Variants in EYS observed in about 807,000 individuals in gnomAD.
EYS encodes the protein protein eyes shut homolog.
A neutral mutation model predicts 282.1 loss-of-function variants in EYS; 250 were observed. The observed-to-expected ratio is 0.89, with a 90% CI of 0.80 to 0.98. The LOEUF is 0.98. Ranked by LOEUF, EYS falls within the 50% of genes least tolerant of loss-of-function variation. EYS has a pLI of 0.00. For missense variants in EYS, 4,016 were observed against 3,709.0 expected, an observed-to-expected ratio of 1.08 and a Z score of -2.15; for synonymous variants, 1,355 against 1,282.9, an observed-to-expected ratio of 1.06 and a Z score of -1.20.
intron 22 of EYS, among the ~76,000 whole-genome samples, chr6:64,694,244 C>A (rs1472082672): frequency 6.6e-6 from 1 of 152,016 alleles, no homozygotes; most frequent in Non-Finnish European, 1.5e-5. Flanking sequence ...ATTCACATTA[C>A]GAACTTTTAT....
At chr6:64,674,037 AACTT>A (rs944957462) in intron 22 of EYS, among the ~76,000 whole-genome samples, 2 of 152,082 alleles carry the variant, frequency 1.3e-5, no homozygotes, top group Non-Finnish European at 2.9e-5. Flanking sequence ...AAAACCAAAA[AACTT>A]AATAAAAAAT....
intron 5 of EYS, among the ~76,000 whole-genome samples, chr6:65,408,671 A>C (rs1432271555): frequency 6.6e-6 from 1 of 152,042 alleles, no homozygotes; most frequent in African/African-American, 2.4e-5. Flanking sequence ...CTCAAAAATC[A>C]ATTTTTTTGT....
chr6:64,305,349 AGTG>A (rs2150374981), intron 30 of EYS, among the ~76,000 whole-genome samples: 1 of 77,960 alleles, frequency 1.3e-5, no homozygotes, highest in South Asian at 4.3e-4. Context: ...ACAAAATCCC[AGTG>A]ATTTTTTTTT....
At chr6:64,020,316 T>C (rs1769127381) in intron 33 of EYS, among the ~76,000 whole-genome samples, 1 of 152,206 alleles carries the variant, frequency 6.6e-6, no homozygotes, top group Admixed American at 6.5e-5. Flanking sequence ...TACAAAATTT[T>C]ACATGTACCT....
chr6:64,187,540 AT>A (rs1395845727), intron 31 of EYS, among the ~76,000 whole-genome samples: 7 of 152,076 alleles, frequency 4.6e-5, no homozygotes, highest in African/African-American at 1.4e-4. Context: ...AATAAAAAAA[AT>A]TTATAACAGT....
intron 14 of EYS, among the ~76,000 whole-genome samples, chr6:64,967,481 C>T (rs186527438): frequency 3.9e-5 from 6 of 152,034 alleles, no homozygotes; most frequent in Admixed American, 1.3e-4. Context: ...CCACACCTGG[C>T]TAATTTTTTT....
chr6:64,643,549 T>A (rs149259822), intron 22 of EYS, among the ~76,000 whole-genome samples: 417 of 152,012 alleles, frequency 2.7e-3, no homozygotes, highest in African/African-American at 9.9e-3. Flanking sequence ...GTGTGTGGTG[T>A]TAACAATGAT....
chr6:64,506,162 T>C (rs142766269), intron 26 of EYS, among the ~76,000 whole-genome samples: 24 of 152,298 alleles, frequency 1.6e-4, no homozygotes, highest in African/African-American at 5.1e-4. Flanking sequence ...CTGTATAAAA[T>C]TGTATTTTAA....
chr6:64,839,261 T>C (rs1220792983), intron 19 of EYS, among the ~76,000 whole-genome samples: 2 of 152,006 alleles, frequency 1.3e-5, no homozygotes. Context: ...ATAAATTTCA[T>C]TAGTCATTAG....
chr6:65,524,403 T>TA (rs374453809), intron 2 of EYS, among the ~76,000 whole-genome samples: 15 of 152,112 alleles, frequency 9.9e-5, no homozygotes, highest in African/African-American at 3.6e-4. Flanking sequence ...AAGTAAGCAT[T>TA]TTGCTACTGG....
At chr6:64,391,541 G>A (rs1292855850) in intron 28 of EYS, among the ~76,000 whole-genome samples, 1 of 151,866 alleles carries the variant, frequency 6.6e-6, no homozygotes, top group Non-Finnish European at 1.5e-5. Flanking sequence ...CATAAGCGAA[G>A]GAGAAATAAA....
intron 29 of EYS, among the ~76,000 whole-genome samples, chr6:64,336,774 C>T (rs531395461): frequency 1.8e-4 from 27 of 152,092 alleles, no homozygotes; most frequent in African/African-American, 6.5e-4. Flanking sequence ...ATATGAAGCA[C>T]TCTCTCAGAT....
Position 65,057,714 on chromosome 6 carries a change from T to C in EYS, c.2037A>G (p.Glu679=). ...CVPGFKGTQC[E]IDIDECASHP... ...GTGAAGCACACTCATCTATATCAAT[T>C]TCACATTGCGTACCTTTGGAAAATA... The change falls in exon 13 of 43, where the codon GAA becomes GAG. Residue 679 remains glutamate, a synonymous_variant. Coordinates refer to ENST00000503581, the MANE Select transcript of EYS (RefSeq NM_001142800.2). 6.5e-7 allele frequency: 1 copy of C among 1,548,634 alleles called. No homozygotes were observed. The highest frequency in any genetic ancestry group is 2.0e-5 in the Admixed American group (1 of 50,928).
At chr6:63,807,378 A>G (rs1381179772) in intron 36 of EYS, among the ~76,000 whole-genome samples, 1 of 152,222 alleles carries the variant, frequency 6.6e-6, no homozygotes, top group East Asian at 1.9e-4. Flanking sequence ...ACAAGCCTTA[A>G]GAAATATACT....
chr6:64,166,019 G>A (rs927448329), intron 31 of EYS, among the ~76,000 whole-genome samples: 2 of 152,042 alleles, frequency 1.3e-5, no homozygotes, highest in African/African-American at 4.8e-5. Context: ...TGCATTAATT[G>A]AGTGCATTAT....
intron 31 of EYS, among the ~76,000 whole-genome samples, chr6:64,089,978 T>A (rs1400219338): frequency 1.3e-5 from 2 of 152,114 alleles, no homozygotes; most frequent in African/African-American, 2.4e-5. Flanking sequence ...ATCCCTGATT[T>A]CTCTGTTAAC....
At chr6:63,785,816 C>A (rs9784888) in intron 39 of EYS, among the ~76,000 whole-genome samples, 5,644 of 152,086 alleles carry the variant, frequency 0.037, 377 homozygotes, top group African/African-American at 0.13. Context: ...CAAGACCATC[C>A]TGGGCAACCT....
chr6:65,534,802 G>T (rs2127313151), intron 2 of EYS, among the ~76,000 whole-genome samples: 1 of 152,204 alleles, frequency 6.6e-6, no homozygotes, highest in East Asian at 1.9e-4. Context: ...CCAAATACAA[G>T]TGATAATTCC....
In EYS at chr6:64,927,310, C is replaced by A. The variant is rs867039043; in HGVS notation, c.2382-14567G>T. ...TTACTCGGGGCATGCATTGGAAATA[C>A]CCACAGATTATTGAGCAAAACAACA... On this transcript the variant is annotated intron_variant, in intron 15 of 42. Transcript: ENST00000503581. Among the ~76,000 whole-genome samples the A allele has an allele frequency of 5.3e-5, 8 of 152,162 alleles. No homozygotes were observed. In the South Asian group the frequency reaches 1.7e-3, roughly 32 times the overall value.
Sources: allele counts gnomAD v4.1 joint callset (sites outside exome capture counted in the v4.1 genomes callset), GRCh38; gene constraint gnomAD v4.1.1; transcripts MANE v1.5; gene names NCBI Gene and HGNC (gene_info 2026-07-23, HGNC 2026-07-21).